The following CLN8 variants were observed in gnomAD, a reference collection of about 807,000 sequenced individuals.
CLN8 encodes the protein CLN8 transmembrane ER and ERGIC protein, also known as protein CLN8.
CLN8 carries 14 observed loss-of-function variants against 15.7 expected under a neutral mutation model. The observed-to-expected ratio is 0.89, with a 90% CI of 0.59 to 1.39. The LOEUF is 1.39. Ranked by LOEUF, CLN8 falls within the 40% of genes most tolerant of loss-of-function variation. CLN8 has a pLI of 0.00. For synonymous variants in CLN8, 188 were observed against 151.0 expected (o/e 1.25, Z -1.80); for missense variants, 415 against 364.0 (o/e 1.14, Z -1.14).
At chr8:1,767,442 A>G (rs1452548190) in intron 1 of CLN8, among the ~76,000 whole-genome samples, 1 of 152,122 alleles carries the variant, frequency 6.6e-6, no homozygotes, top group Non-Finnish European at 1.5e-5. Flanking sequence ...ATCTCTCCAA[A>G]AAGATATCTA....
intron 1 of CLN8, among the ~76,000 whole-genome samples, chr8:1,767,107 T>G (rs755476683): frequency 6.6e-6 from 1 of 152,206 alleles, no homozygotes; most frequent in Non-Finnish European, 1.5e-5. Flanking sequence ...CTGAGAGAGC[T>G]GAGGAGTTCA....
intron 1 of CLN8, among the ~76,000 whole-genome samples, chr8:1,756,809 A>G (rs1800681103): frequency 6.6e-6 from 1 of 151,530 alleles, no homozygotes; most frequent in African/African-American, 2.4e-5. Flanking sequence ...CAGCCTCCCA[A>G]GTAGCTAGGA....
At chr8:1,779,403 T>TGGG (rs1410724239) in intron 2 of CLN8, among the ~76,000 whole-genome samples, 1 of 152,178 alleles carries the variant, frequency 6.6e-6, no homozygotes, top group Non-Finnish European at 1.5e-5. Context: ...CCACCATGCC[T>TGGG]GGCTAATTTT....
rs554902390 is a variant in CLN8, at chr8:1,769,616, A to G, written c.-123-1316A>G. The stretch of plus-strand genomic sequence containing the variant: ...TGAGTCTTTGTCGGTAGCCGTTCCT[A>G]TGTCATCGTTGTGTGCCTGGGTTTC... On this transcript the variant is annotated intron_variant, in intron 1 of 2. Coordinates refer to ENST00000331222, the MANE Select transcript of CLN8 (RefSeq NM_018941.4). 5.9e-5 allele frequency among the ~76,000 whole-genome samples: 9 copies of G among 152,208 alleles called. No homozygotes were observed. In the South Asian group the frequency reaches 1.2e-3, roughly 21 times the overall value.
intron 2 of CLN8, 35 bp downstream of exon 2, chr8:1,771,632 C>A (rs1398220885): frequency 3.1e-6 from 5 of 1,590,542 alleles, no homozygotes; most frequent in Non-Finnish European, 4.3e-6. Context: ...TGACATGTGC[C>A]TCACGCATTT....
chr8:1,773,645 G>A (rs1293699392), intron 2 of CLN8: 1 of 152,368 alleles, frequency 6.6e-6, no homozygotes, highest in Non-Finnish European at 1.5e-5. Flanking sequence ...TTCCATAAGA[G>A]TGCAGACTTC....
At chr8:1,775,629 G>C (rs553357580) in intron 2 of CLN8, among the ~76,000 whole-genome samples, 39 of 152,312 alleles carry the variant, frequency 2.6e-4, no homozygotes, top group Admixed American at 1.4e-3. Flanking sequence ...GAAAATGGTG[G>C]AGGAGAACTT....
intron 1 of CLN8, 82 bp from the exon 2 acceptor site, chr8:1,770,850 T>C: frequency 1.6e-6 from 1 of 607,702 alleles, no homozygotes; most frequent in East Asian, 2.7e-5. Context: ...AAATATTTTG[T>C]AGTTTAATGT....
In CLN8 at chr8:1,767,425, T is replaced by C. The variant is rs77052786; in HGVS notation, c.-123-3507T>C. 7.9e-3 allele frequency among the ~76,000 whole-genome samples: 1,210 copies of C among 152,270 alleles called. 14 individuals are homozygous for C. Among genetic ancestry groups the C allele is most frequent in the African/African-American group, 0.028 (1,145 of 41,548 alleles). ...CACCTATCTGCCACTTTTCTGTAGATATGGTAATCTCTCCAAAAAGATATC... is the reference window on the plus strand; with the variant it reads ...CACCTATCTGCCACTTTTCTGTAGACATGGTAATCTCTCCAAAAAGATATC... On this transcript the variant is annotated intron_variant, in intron 1 of 2. Coordinates refer to ENST00000331222, the MANE Select transcript of CLN8 (RefSeq NM_018941.4).
At chr8:1,759,400 A>G (rs6558531), upstream of CLN8, 107,462 of 152,212 alleles carry the variant, frequency 0.71, 38,103 homozygotes, top group South Asian at 0.78. Context: ...AGAGGGTGAG[A>G]ACGGACGGAA....
chr8:1,755,609 C>T (rs996868213), upstream of CLN8, among the ~76,000 whole-genome samples: 1 of 152,214 alleles, frequency 6.6e-6, no homozygotes, highest in African/African-American at 2.4e-5. Context: ...AGATCACAAC[C>T]GGTCTGCCCA....
chr8:1,758,368 G>C (rs192009104), intron 1 of CLN8: 1 of 152,228 alleles, frequency 6.6e-6, no homozygotes, highest in Admixed American at 6.5e-5. Context: ...GATTTATTCT[G>C]AGCCAAATAT....
At chr8:1,766,576 A>G (rs1335322419) in intron 1 of CLN8, among the ~76,000 whole-genome samples, 3 of 151,756 alleles carry the variant, frequency 2.0e-5, no homozygotes, top group East Asian at 1.9e-4. Context: ...GTATTTTAGT[A>G]GAGACAAGGT....
At chr8:1,774,234 G>A (rs780433702) in intron 2 of CLN8, among the ~76,000 whole-genome samples, 2 of 152,174 alleles carry the variant, frequency 1.3e-5, no homozygotes, top group African/African-American at 2.4e-5. Flanking sequence ...ATTCTCTAAA[G>A]CTTTTAGGGT....
At chr8:1,768,701 G>A (rs1233244978) in intron 1 of CLN8, among the ~76,000 whole-genome samples, 3 of 152,076 alleles carry the variant, frequency 2.0e-5, no homozygotes, top group Admixed American at 6.6e-5. Flanking sequence ...TTTAATGCTG[G>A]TAAGCGGTCT....
rs1585152513 is a variant in CLN8, at chr8:1,780,821, G to A, written c.*254G>A. On this transcript the variant is annotated 3_prime_UTR_variant, in exon 3 of 3. Transcript: ENST00000331222. ...GGACCGTGTCAAGCATCTAGGAGAG[G>A]AGTCCATGGTGTCCAGGCATCGGGG... 1 of 563,630 alleles carries A rather than the reference G, an allele frequency of 1.8e-6. No homozygotes were observed. Among genetic ancestry groups the A allele is most frequent in the East Asian group, 3.0e-5 (1 of 33,816 alleles). 34.9% of individuals were successfully genotyped at this position (563,630 alleles called of 1,614,324 possible). A position where few individuals can be genotyped will look rare whatever the true frequency, so the allele number is the denominator to read the frequency against.
chr8:1,763,234 C>CT (rs1800852712), upstream of CLN8: 1 of 151,950 alleles, frequency 6.6e-6, no homozygotes, highest in South Asian at 2.1e-4. Flanking sequence ...TCTGCCGCAG[C>CT]TTTCAGGTCC....
chr8:1,776,919 G>T (rs896162591), intron 2 of CLN8, among the ~76,000 whole-genome samples: 2 of 152,190 alleles, frequency 1.3e-5, no homozygotes, highest in African/African-American at 4.8e-5. Context: ...CAGCAGTCTG[G>T]ATGGTTTACA....
intron 2 of CLN8, among the ~76,000 whole-genome samples, chr8:1,775,009 A>T (rs952860688): frequency 2.0e-5 from 3 of 152,144 alleles, no homozygotes; most frequent in Non-Finnish European, 2.9e-5. Flanking sequence ...GTCAGTTTTT[A>T]TATATTTTGT....
Sources: gnomAD v4.1 joint callset for allele counts (sites outside exome capture counted in the v4.1 genomes callset) on GRCh38, gnomAD v4.1.1 for gene constraint, MANE v1.5 for transcripts, NCBI Gene and HGNC (gene_info 2026-07-23, HGNC 2026-07-21) for gene names.